The following ABCC11 variants were observed in gnomAD, a reference collection of about 807,000 sequenced individuals.
The protein encoded by ABCC11 is ATP-binding cassette sub-family C member 11.
In ABCC11, 135 loss-of-function variants were observed where a neutral mutation model predicts 149.3. That is an observed-to-expected ratio of 0.90 (90% CI 0.79 to 1.04). The LOEUF is 1.04. Among genes scored for constraint, ABCC11 ranks in the 50% least tolerant of loss-of-function variants. ABCC11 has a pLI of 0.00. For missense variants in ABCC11, 1,680 were observed against 1,722.1 expected, an observed-to-expected ratio of 0.98 and a Z score of 0.43; for synonymous variants, 665 against 671.4, an observed-to-expected ratio of 0.99 and a Z score of 0.15.
At position 48,199,878 on chromosome 16, in the gene ABCC11, G is replaced by A. The variant is rs11867060; in HGVS notation, c.2082+398C>T. Among the ~76,000 whole-genome samples, 549 of 151,792 alleles carry A rather than the reference G, an allele frequency of 3.6e-3. 2 individuals are homozygous for A. Among genetic ancestry groups the A allele is most frequent in the African/African-American group, 0.012 (516 of 41,402 alleles). On this transcript the variant is annotated intron_variant, in intron 15 of 29. Transcript: ENST00000356608. ...TTGTAGAGATGGGAGGTCTCTCTAC[G>A]TTGCCCAGGCTGGTCTTGAACTCCT...
In ABCC11 at chr16:48,203,298, T is replaced by C. The variant is rs1033571619; in HGVS notation, c.1808A>G (p.Tyr603Cys). ...LMGGAYDKAR[Y>C]LQVLHCCSLN... ...GGAGCAGCAGTGGAGCACCTGGAGG[T>C]ATCTGTGAAGGACAGGGAGCCATAA... The change falls in exon 14 of 30, where the codon TAC becomes TGC. Residue 603 changes from tyrosine to cysteine, a missense_variant and splice_region_variant. Coordinates refer to ENST00000356608, the MANE Select transcript of ABCC11 (RefSeq NM_001370497.1). The C allele has an allele frequency of 5.7e-6, 9 of 1,575,824 alleles. No homozygotes were observed. In the African/African-American group the frequency reaches 1.2e-4, roughly 21 times the overall value.
chr16:48,218,119 A>G (rs1969472798), intron 6 of ABCC11, among the ~76,000 whole-genome samples: 2 of 152,146 alleles, frequency 1.3e-5, no homozygotes, highest in Admixed American at 6.5e-5. Flanking sequence ...CAACATAGCA[A>G]GACCCCATCT....
chr16:48,224,203 G>A lies in ABCC11; in HGVS notation c.543+79C>T, dbSNP rs894771888. ...AAATGCATCTCTAACTCCTGGCATGGACTTGAACATGCCCGCAGTTCCATC... is the reference window on the plus strand; with the variant it reads ...AAATGCATCTCTAACTCCTGGCATGAACTTGAACATGCCCGCAGTTCCATC... On this transcript the variant is annotated intron_variant, in intron 5 of 29. Coordinates refer to ENST00000356608, the MANE Select transcript of ABCC11 (RefSeq NM_001370497.1). The A allele has an allele frequency of 5.1e-5, 77 of 1,497,264 alleles. No individual in the cohort carries two copies. The South Asian group carries it at 7.1e-4, about 14-fold the overall frequency. 92.7% of individuals were successfully genotyped at this position (1,497,264 alleles called of 1,614,324 possible).
chr16:48,201,647 G>A (rs1246763479), intron 14 of ABCC11, among the ~76,000 whole-genome samples: 1 of 151,812 alleles, frequency 6.6e-6, no homozygotes, highest in Non-Finnish European at 1.5e-5. Context: ...TCAACTTGTG[G>A]GACCATTGGC....
intron 7 of ABCC11, among the ~76,000 whole-genome samples, chr16:48,215,805 C>T (rs370889680): frequency 6.6e-6 from 1 of 152,218 alleles, no homozygotes; most frequent in Non-Finnish European, 1.5e-5. Context: ...TACATCAGCA[C>T]ATTCTGGGGA....
At chr16:48,228,374 A>G (rs1487935286) in intron 3 of ABCC11, among the ~76,000 whole-genome samples, 1 of 152,120 alleles carries the variant, frequency 6.6e-6, no homozygotes, top group East Asian at 1.9e-4. Context: ...AGGGTGGATC[A>G]CCTGAGGTCA....
At position 48,205,315 on chromosome 16, in the gene ABCC11, A is replaced by C. The variant is rs926046412; in HGVS notation, c.1805+98T>G. The C allele has an allele frequency of 9.9e-6, 15 of 1,515,702 alleles. No homozygotes were observed. The African/African-American group carries it at 1.8e-4, about 18-fold the overall frequency. 93.9% of individuals were successfully genotyped at this position (1,515,702 alleles called of 1,614,324 possible). On this transcript the variant is annotated intron_variant, in intron 13 of 29. Transcript: ENST00000356608. Reference sequence around the variant, plus strand: ...ATGATAATGCGTTTAAGTGGAGCACACAAGTGTTAGCAGTTGTCAGGTTAC... The same window carrying C: ...ATGATAATGCGTTTAAGTGGAGCACCCAAGTGTTAGCAGTTGTCAGGTTAC...
At position 48,213,445 on chromosome 16, in the gene ABCC11, T is replaced by G; in HGVS notation, c.1354A>C (p.Lys452Gln). ...TNSKSAVMRFKKFFLQESPVF... is the reference protein window; with the variant it reads ...TNSKSAVMRFQKFFLQESPVF... ...CAGCCAGTCCCCTGATGACCTACCT[T>G]GAACCTCATCACTGCAGACTTGGAA... Residue 452 changes from lysine (K) to glutamine (Q), a missense_variant and splice_region_variant, in exon 10 of 30, where the codon AAG becomes CAG. Physicochemically the swap from Lys to Gln is moderately conservative, Grantham distance 53 (BLOSUM62 1). Coordinates refer to ENST00000356608, the MANE Select transcript of ABCC11 (RefSeq NM_001370497.1). 1.2e-6 allele frequency: 2 copies of G among 1,611,722 alleles called. No homozygotes were observed. The highest frequency in any genetic ancestry group is 1.7e-6 in the Non-Finnish European group (2 of 1,178,672).
intron 26 of ABCC11, among the ~76,000 whole-genome samples, chr16:48,174,352 C>A (rs975147082): frequency 3.9e-5 from 6 of 152,192 alleles, no homozygotes; most frequent in South Asian, 2.1e-4. Flanking sequence ...ATGAATGAAG[C>A]TCTGGGGTTC....
intron 20 of ABCC11, 76 bp from the exon 21 acceptor site, chr16:48,187,503 C>T: frequency 1.5e-6 from 2 of 1,294,220 alleles, no homozygotes; most frequent in Non-Finnish European, 2.2e-6. Flanking sequence ...ATGCCTGTTA[C>T]CCTTGACTCT....
chr16:48,212,768 G>T (rs914351621), intron 10 of ABCC11, among the ~76,000 whole-genome samples: 1 of 152,192 alleles, frequency 6.6e-6, no homozygotes, highest in Non-Finnish European at 1.5e-5. Context: ...GTGATAATAG[G>T]TCGTGGACTG....
intron 17 of ABCC11, 146 bp downstream of exon 17, chr16:48,197,825 G>A (rs899925122): frequency 3.7e-6 from 3 of 817,224 alleles, no homozygotes; most frequent in Non-Finnish European, 5.7e-6. Context: ...TCAACTACTT[G>A]GTTCTGGAAC....
chr16:48,205,968 G>A (rs954266101), intron 12 of ABCC11, among the ~76,000 whole-genome samples: 2 of 152,044 alleles, frequency 1.3e-5, no homozygotes, highest in East Asian at 1.9e-4. Flanking sequence ...CTGCCACCAC[G>A]CCCGGCTAAT....
chr16:48,170,957 C>A lies in ABCC11; in HGVS notation c.3709G>T (p.Asp1237Tyr), dbSNP rs765001590. The A allele has an allele frequency of 6.2e-7, 1 of 1,613,176 alleles. No homozygotes were observed. The highest frequency in any genetic ancestry group is 1.1e-5 in the South Asian group (1 of 91,058). The stretch of plus-strand genomic sequence containing the variant: ...TGGTCAGTGTGACGGTCAAAGGGAT[C>A]TAGGTTGAATCTACCATATGAGAGA... ...LLSGTIRFNLDPFDRHTDQQI... is the reference protein window; with the variant it reads ...LLSGTIRFNLYPFDRHTDQQI... Residue 1237 changes from aspartate (D) to tyrosine (Y), a missense_variant, in exon 27 of 30, where the codon GAT becomes TAT. Asp to Tyr is a radical substitution (Grantham distance 160). Transcript: ENST00000356608.
chr16:48,175,355 T>A lies in ABCC11; in HGVS notation c.3601A>T (p.Ile1201Phe). The change falls in exon 26 of 30, where the codon ATT becomes TTT. Residue 1201 changes from isoleucine (I) to phenylalanine (F), a missense_variant. Physicochemically the swap from Ile to Phe is conservative, Grantham distance 21. Coordinates refer to ENST00000356608, the MANE Select transcript of ABCC11 (RefSeq NM_001370497.1). The part of the protein sequence containing the change: ...LVEPMAGRIL[I>F]DGVDICSIGL... ...ATGCTGCAAATGTCCACGCCGTCAA[T>A]GAGAATCCGGCCTGCCATGGGCTCC... 1 of 1,614,136 alleles carries A rather than the reference T, an allele frequency of 6.2e-7. No individual in the cohort carries two copies. The highest frequency in any genetic ancestry group is 8.5e-7 in the Non-Finnish European group (1 of 1,179,966).
At position 48,167,522 on chromosome 16, in the gene ABCC11, G is replaced by A. The variant is rs764235355; in HGVS notation, c.4030C>T (p.His1344Tyr). 1.2e-6 allele frequency: 2 copies of A among 1,614,000 alleles called. No individual in the cohort carries two copies. Residue 1344 changes from histidine (H) to tyrosine (Y), a missense_variant, in exon 29 of 30, where the codon CAC (histidine) becomes TAC (tyrosine). Physicochemically the swap from His to Tyr is moderately conservative, Grantham distance 83. Transcript: ENST00000356608. ...TTCCCATTGCCCATAACCAGGATGT[G>A]GTCACAGTTCAGCACAGTGGTGACA... is the stretch of plus-strand genomic sequence containing the variant. ...HRVTTVLNCD[H>Y]ILVMGNGKVV...
At position 48,203,257 on chromosome 16, in the gene ABCC11, C is replaced by T. The variant is rs1325612064; in HGVS notation, c.1849G>A (p.Glu617Lys). 3.8e-6 allele frequency: 6 copies of T among 1,582,428 alleles called. No homozygotes were observed. The East Asian group carries it at 1.1e-4, about 30-fold the overall frequency. Reference sequence around the variant, plus strand: ...GTCATGTCTCCAAAGGGCAGAAGTTCCAGGTCCCGATTCAGGGAGCAGCAG... The same window carrying T: ...GTCATGTCTCCAAAGGGCAGAAGTTTCAGGTCCCGATTCAGGGAGCAGCAG... ...LHCCSLNRDLELLPFGDMTEI... is the reference protein window; with the variant it reads ...LHCCSLNRDLKLLPFGDMTEI... Residue 617 changes from glutamate (E) to lysine (K), a missense_variant, in exon 14 of 30, where the codon GAA (glutamate) becomes AAA (lysine). Glu to Lys is a moderately conservative substitution (Grantham distance 56). Coordinates refer to ENST00000356608, the MANE Select transcript of ABCC11 (RefSeq NM_001370497.1).
At chr16:48,189,169 C>T (rs1596705755) in intron 20 of ABCC11, among the ~76,000 whole-genome samples, 1 of 152,232 alleles carries the variant, frequency 6.6e-6, no homozygotes, top group African/African-American at 2.4e-5. Context: ...GTCATGATCA[C>T]TCAGAGGAAT....
At chr16:48,194,601 C>T (rs530445154) in intron 18 of ABCC11, among the ~76,000 whole-genome samples, 16 of 152,298 alleles carry the variant, frequency 1.1e-4, no homozygotes, top group East Asian at 5.8e-4. Context: ...TAAGAGGTGA[C>T]GACCATGAGG....
Sources: gnomAD v4.1 joint callset for allele counts (sites outside exome capture counted in the v4.1 genomes callset) on GRCh38, gnomAD v4.1.1 for gene constraint, MANE v1.5 for transcripts, NCBI Gene and HGNC (gene_info 2026-07-23, HGNC 2026-07-21) for gene names.